MSRA: variants seen among roughly 807,000 people sequenced by gnomAD.
MSRA encodes the protein mitochondrial peptide methionine sulfoxide reductase.
Under a neutral mutation model 31.3 loss-of-function variants are expected in MSRA, and 54 were observed. The ratio of observed to expected loss-of-function variants is 1.73; its 90% CI spans 1.39 to 2.17. The LOEUF is 2.17. Among genes scored for constraint, MSRA ranks in the 30% most tolerant of loss-of-function variants. MSRA has a pLI of 0.00. For synonymous variants in MSRA, 169 were observed against 116.5 expected, an observed-to-expected ratio of 1.45 and a Z score of -2.90; for missense variants, 507 against 300.9, an observed-to-expected ratio of 1.69 and a Z score of -5.07.
chr8:10,201,107 C>T (rs1002775416), intron 1 of MSRA, among the ~76,000 whole-genome samples: 9 of 152,024 alleles, frequency 5.9e-5, no homozygotes. Flanking sequence ...GACTGTGAGA[C>T]CATATTTTGT....
At chr8:10,287,427 G>T (rs1037405897) in intron 3 of MSRA, among the ~76,000 whole-genome samples, 1 of 152,194 alleles carries the variant, frequency 6.6e-6, no homozygotes, top group Non-Finnish European at 1.5e-5. Context: ...AGCTACAAAA[G>T]TGTTACACCA....
intron 1 of MSRA, among the ~76,000 whole-genome samples, chr8:10,128,006 G>C (rs937207672): frequency 6.6e-6 from 1 of 151,950 alleles, no homozygotes; most frequent in Admixed American, 6.6e-5. Context: ...CTGTGACCGT[G>C]GTGCATTTCC....
chr8:10,149,154 T>A (rs4840464), intron 1 of MSRA, among the ~76,000 whole-genome samples: 30,566 of 150,214 alleles, frequency 0.2, 3,536 homozygotes, highest in East Asian at 0.4. Flanking sequence ...GTAGTTTTGC[T>A]CTCGTCGCCT....
intron 3 of MSRA, among the ~76,000 whole-genome samples, chr8:10,281,958 G>C (rs1265281900): frequency 6.6e-6 from 1 of 152,128 alleles, no homozygotes; most frequent in Non-Finnish European, 1.5e-5. Context: ...AGGTTTTTCA[G>C]GCTGCTCTGA....
chr8:10,272,745 A>AT (rs1033498888), intron 3 of MSRA, among the ~76,000 whole-genome samples: 5 of 151,964 alleles, frequency 3.3e-5, no homozygotes, highest in Admixed American at 2.0e-4. Context: ...TTATGTGTTT[A>AT]TTTTTTTTAT....
At chr8:10,154,671 C>A (rs1803999828) in intron 1 of MSRA, among the ~76,000 whole-genome samples, 1 of 152,104 alleles carries the variant, frequency 6.6e-6, no homozygotes. Flanking sequence ...GCCACCGCGT[C>A]CAGCCAGGTT....
intron 1 of MSRA, among the ~76,000 whole-genome samples, chr8:10,106,946 C>T (rs1464202337): frequency 1.3e-5 from 2 of 152,098 alleles, no homozygotes; most frequent in Non-Finnish European, 2.9e-5. Context: ...CACCTTCCCA[C>T]CCACCTACGC....
At chr8:10,114,380 AACCTATGTTTAACTTTTTGAAG>A in intron 1 of MSRA, among the ~76,000 whole-genome samples, 1 of 152,200 alleles carries the variant, frequency 6.6e-6, no homozygotes, top group East Asian at 1.9e-4. Flanking sequence ...GCCATTTGGC[AACCTATGTTTAACTTTTTGAAG>A]AATGTCCAAA....
At chr8:10,138,803 C>T (rs1802478861) in intron 1 of MSRA, among the ~76,000 whole-genome samples, 1 of 152,166 alleles carries the variant, frequency 6.6e-6, no homozygotes, top group African/African-American at 2.4e-5. Context: ...TAGTGCAGAA[C>T]TAAGGCCAAA....
At position 10,054,359 on chromosome 8, in the gene MSRA, G is replaced by C. The variant is rs1585049791; in HGVS notation, c.-158G>C. ...CCGGGTTTGGGCAACCTCGATTACG[G>C]GCGGCCTCCAGCCCCGCCAGCAGCG... On this transcript the variant is annotated 5_prime_UTR_variant, in exon 1 of 6. Transcript: ENST00000317173. 3.1e-6 allele frequency: 2 copies of C among 636,860 alleles called. No individual in the cohort carries two copies. The highest frequency in any genetic ancestry group is 2.2e-6 in the Non-Finnish European group (1 of 447,664). The allele number at this position is 636,860 out of a possible 1,614,324, so 39.5% of individuals were successfully genotyped here.
At chr8:10,201,605 C>T (rs757225740) in intron 1 of MSRA, among the ~76,000 whole-genome samples, 1 of 152,214 alleles carries the variant, frequency 6.6e-6, no homozygotes, top group Admixed American at 6.5e-5. Flanking sequence ...TGTTACCAAG[C>T]AGTTTTACTG....
intron 4 of MSRA, among the ~76,000 whole-genome samples, chr8:10,302,763 G>A (rs1391733384): frequency 2.0e-5 from 3 of 152,220 alleles, no homozygotes; most frequent in Admixed American, 6.5e-5. Context: ...AAGGAGGCCG[G>A]GGGCACGATT....
intron 1 of MSRA, among the ~76,000 whole-genome samples, chr8:10,183,497 C>T (rs918227970): frequency 2.6e-5 from 4 of 152,118 alleles, no homozygotes; most frequent in African/African-American, 9.7e-5. Context: ...ATTGAAGCTA[C>T]AGTCAGGGGC....
intron 3 of MSRA, among the ~76,000 whole-genome samples, chr8:10,257,955 C>T (rs560150055): frequency 2.6e-5 from 4 of 152,164 alleles, no homozygotes; most frequent in Admixed American, 6.5e-5. Flanking sequence ...CACACACACA[C>T]GTTGATGGCC....
At position 10,095,491 on chromosome 8, in the gene MSRA, G is replaced by C; in HGVS notation, c.142+40833G>C. On this transcript the variant is annotated intron_variant, in intron 1 of 5. Transcript: ENST00000317173. ...TCTTTTGGAGACAAGAATTCAGACA[G>C]ACTGGCACAGCCTGGACCTCCGCCA... 6 of 985,502 alleles carry C rather than the reference G, an allele frequency of 6.1e-6. 1 individual carries two copies. The highest frequency in any genetic ancestry group is 1.1e-4 in the East Asian group (1 of 8,814). 61.0% of individuals were successfully genotyped at this position (985,502 alleles called of 1,614,324 possible).
At chr8:10,332,812 A>C (rs1733559506) in intron 5 of MSRA, among the ~76,000 whole-genome samples, 1 of 152,212 alleles carries the variant, frequency 6.6e-6, no homozygotes, top group Non-Finnish European at 1.5e-5. Context: ...GGGGAAAGGA[A>C]AAGCTTGTAA....
chr8:10,416,108 A>G lies in MSRA; in HGVS notation c.544-12040A>G, dbSNP rs187630713. Among the ~76,000 whole-genome samples, 71 of 152,172 alleles carry G rather than the reference A, an allele frequency of 4.7e-4. 1 individual carries two copies. Among genetic ancestry groups the G allele is most frequent in the Non-Finnish European group, 7.6e-4 (52 of 68,002 alleles). ...TGAGCCTGCTTCCCCAGCACCTGGC[A>G]CGGCACCTGCTCACGCTGGGCACTG... On this transcript the variant is annotated intron_variant, in intron 5 of 5. Transcript: ENST00000317173.
intron 1 of MSRA, among the ~76,000 whole-genome samples, chr8:10,083,231 A>G (rs1483184729): frequency 6.6e-6 from 1 of 152,252 alleles, no homozygotes; most frequent in Non-Finnish European, 1.5e-5. Context: ...TCAGCAGATG[A>G]CAATCTAGTT....
At chr8:10,283,193 G>C (rs1176303810) in intron 3 of MSRA, among the ~76,000 whole-genome samples, 6 of 98,724 alleles carry the variant, frequency 6.1e-5, no homozygotes, top group Non-Finnish European at 1.4e-4. Context: ...GGAAAGGTTT[G>C]TTGCAGAAGT....
Sources: gnomAD v4.1 joint callset for allele counts (sites outside exome capture counted in the v4.1 genomes callset) on GRCh38, gnomAD v4.1.1 for gene constraint, MANE v1.5 for transcripts, NCBI Gene and HGNC (gene_info 2026-07-23, HGNC 2026-07-21) for gene names.